ASCC1: variants seen among roughly 807,000 people sequenced by gnomAD.
ASCC1 encodes the protein ASC-1 complex subunit P50.
In ASCC1, 35 loss-of-function variants were observed where a neutral mutation model predicts 46.6. The ratio of observed to expected loss-of-function variants is 0.75; its 90% CI spans 0.57 to 0.99. ASCC1 has a LOEUF of 0.99. Ranked by LOEUF, ASCC1 falls within the 50% of genes least tolerant of loss-of-function variation. The probability of loss-of-function intolerance (pLI) is 0.00; values close to 1 mark genes in which losing one functional copy is unlikely to be tolerated. For missense variants in ASCC1, 376 were observed against 428.7 expected (o/e 0.88, Z 1.09); for synonymous variants, 143 against 146.6 (o/e 0.98, Z 0.18).
chr10:72,214,822 G>A (rs1169388325), intron 1 of ASCC1, among the ~76,000 whole-genome samples: 3 of 152,166 alleles, frequency 2.0e-5, no homozygotes, highest in African/African-American at 7.2e-5. Context: ...TTAAAGCACA[G>A]TTAAAATAAC....
chr10:72,108,613 T>G (rs1842609762), intron 9 of ASCC1, among the ~76,000 whole-genome samples: 1 of 152,166 alleles, frequency 6.6e-6, no homozygotes, highest in South Asian at 2.1e-4. Flanking sequence ...TGAATAAACT[T>G]TTAAAAACTG....
At chr10:72,193,078 T>C (rs1257012254) in intron 5 of ASCC1, among the ~76,000 whole-genome samples, 5 of 152,214 alleles carry the variant, frequency 3.3e-5, no homozygotes, top group African/African-American at 1.2e-4. Context: ...AGTTTGGCAG[T>C]GTTTTATAAA....
intron 9 of ASCC1, among the ~76,000 whole-genome samples, chr10:72,118,576 T>TC (rs1843778272): frequency 6.6e-6 from 1 of 151,892 alleles, no homozygotes; most frequent in South Asian, 2.1e-4. Flanking sequence ...GGTCAGGAGT[T>TC]CGAGACCAGC....
chr10:72,207,314 C>T (rs145276722), intron 3 of ASCC1, among the ~76,000 whole-genome samples: 7 of 152,038 alleles, frequency 4.6e-5, no homozygotes, highest in South Asian at 4.2e-4. Context: ...CTCGGGAGGC[C>T]GAAGCAGGAG....
chr10:72,152,627 C>T (rs536030404), intron 7 of ASCC1, among the ~76,000 whole-genome samples: 1 of 152,240 alleles, frequency 6.6e-6, no homozygotes, highest in African/African-American at 2.4e-5. Context: ...GCCCAGGACG[C>T]TGAGATCAGC....
intron 6 of ASCC1, among the ~76,000 whole-genome samples, chr10:72,161,166 C>T (rs1021491709): frequency 6.0e-5 from 9 of 150,486 alleles, no homozygotes; most frequent in Non-Finnish European, 8.8e-5. Flanking sequence ...AATGTTTGCA[C>T]TCCAGCCTGG....
At chr10:72,195,222 C>T (rs954278600) in intron 5 of ASCC1, among the ~76,000 whole-genome samples, 2 of 135,670 alleles carry the variant, frequency 1.5e-5, no homozygotes, top group African/African-American at 5.5e-5. Context: ...TCTCAGTTCA[C>T]TGACACCTCC....
At chr10:72,118,933 C>A (rs1843839861) in intron 9 of ASCC1, among the ~76,000 whole-genome samples, 1 of 152,142 alleles carries the variant, frequency 6.6e-6, no homozygotes, top group African/African-American at 2.4e-5. Context: ...TCCATCCTAA[C>A]AAGGGAAAAG....
chr10:72,121,268 A>G (rs992817272), intron 9 of ASCC1, among the ~76,000 whole-genome samples: 3 of 152,018 alleles, frequency 2.0e-5, no homozygotes, highest in Non-Finnish European at 4.4e-5. Context: ...CTCAGCCTCC[A>G]AAGTAGCTGG....
chr10:72,128,146 T>C lies in ASCC1; in HGVS notation c.893A>G (p.Tyr298Cys). The C allele has an allele frequency of 1.2e-6, 2 of 1,613,748 alleles. No homozygotes were observed. Among genetic ancestry groups the C allele is most frequent in the Non-Finnish European group, 1.7e-6 (2 of 1,179,704 alleles). ...GAAGATATATTTGCCTTCCGCTGTG[T>C]AGAGATTGTACCTGCCTTCAGCTGT... ...DPNAEGRYNL[Y>C]TAEGKYIFKE... The change falls in exon 9 of 10, where the codon TAC becomes TGC. Residue 298 changes from tyrosine to cysteine, a missense_variant. Physicochemically the swap from Tyr to Cys is radical, Grantham distance 194 (BLOSUM62 -2). Coordinates refer to ENST00000672957, the MANE Select transcript of ASCC1 (RefSeq NM_001198800.3).
intron 6 of ASCC1, among the ~76,000 whole-genome samples, chr10:72,153,633 A>G (rs548779510): frequency 1.3e-5 from 2 of 151,366 alleles, no homozygotes; most frequent in South Asian, 4.2e-4. Context: ...TCACCATGTT[A>G]GCCAGGATGG....
chr10:72,136,093 G>A (rs1361396417), intron 7 of ASCC1, among the ~76,000 whole-genome samples: 1 of 152,170 alleles, frequency 6.6e-6, no homozygotes, highest in East Asian at 1.9e-4. Flanking sequence ...CACAATCACA[G>A]CTAACTGCAG....
Position 72,108,449 on chromosome 10 carries a change from T to G in ASCC1, c.958-10999A>C, listed in dbSNP as rs1842597434. 3.9e-5 allele frequency among the ~76,000 whole-genome samples: 6 copies of G among 152,214 alleles called. No individual in the cohort carries two copies. The South Asian group carries it at 8.3e-4, about 21-fold the overall frequency. On this transcript the variant is annotated intron_variant, in intron 9 of 9. Transcript: ENST00000672957. ...GAAAACAAACTGTAATTAACTAAAT[T>G]ATAGCTCATAAACCAACCTTGTATA...
chr10:72,166,754 T>A (rs1242001409), intron 5 of ASCC1, among the ~76,000 whole-genome samples: 2 of 151,846 alleles, frequency 1.3e-5, no homozygotes, highest in African/African-American at 4.8e-5. Flanking sequence ...AGATACATAA[T>A]CCAATTTTAA....
intron 7 of ASCC1, among the ~76,000 whole-genome samples, chr10:72,144,243 G>A (rs986692122): frequency 1.3e-5 from 2 of 152,020 alleles, no homozygotes; most frequent in Non-Finnish European, 2.9e-5. Context: ...CCAAAGCGCT[G>A]GGATTACAGG....
At chr10:72,150,949 G>C (rs911203142) in intron 7 of ASCC1, among the ~76,000 whole-genome samples, 1 of 152,170 alleles carries the variant, frequency 6.6e-6, no homozygotes, top group South Asian at 2.1e-4. Flanking sequence ...GGAAACAACA[G>C]GTGCTGGAGA....
intron 5 of ASCC1, among the ~76,000 whole-genome samples, chr10:72,167,957 G>A (rs760590231): frequency 6.6e-6 from 1 of 152,112 alleles, no homozygotes; most frequent in African/African-American, 2.4e-5. Context: ...TTGGGAGGCC[G>A]AGGCAGGGGG....
intron 8 of ASCC1, among the ~76,000 whole-genome samples, chr10:72,130,796 A>G (rs1589270070): frequency 6.6e-6 from 1 of 152,114 alleles, no homozygotes; most frequent in African/African-American, 2.4e-5. Context: ...GTGCTCAATA[A>G]CCCCATGTGT....
At chr10:72,133,618 G>C (rs778156799) in intron 7 of ASCC1, 2 of 254,192 alleles carry the variant, frequency 7.9e-6, no homozygotes, top group Admixed American at 1.0e-4. Context: ...TTACAATACA[G>C]TTATGACAGA....
Sources: gnomAD v4.1 joint callset for allele counts (sites outside exome capture counted in the v4.1 genomes callset) on GRCh38, gnomAD v4.1.1 for gene constraint, MANE v1.5 for transcripts, NCBI Gene and HGNC (gene_info 2026-07-23, HGNC 2026-07-21) for gene names.